The following CPA6 variants were observed in gnomAD, a reference collection of about 807,000 sequenced individuals.
The protein encoded by CPA6 is carboxypeptidase A6.
A neutral mutation model predicts 63.3 loss-of-function variants in CPA6; 58 were observed. The ratio of observed to expected loss-of-function variants is 0.92; its 90% confidence interval spans 0.74 to 1.14. The LOEUF (loss-of-function observed/expected upper bound fraction) is 1.14, where lower values mean the gene tolerates loss of function less well. Ranked by LOEUF, CPA6 falls within the 50% of genes most tolerant of loss-of-function variation. The pLI, the probability that CPA6 is intolerant of heterozygous loss-of-function variation, is 0.00. For synonymous variants in CPA6, 185 were observed against 179.0 expected, an observed-to-expected ratio of 1.03 and a Z score of -0.27; for missense variants, 565 against 526.6, an observed-to-expected ratio of 1.07 and a Z score of -0.71.
chr8:67,607,161 T>C (rs1814668261), intron 2 of CPA6, among the ~76,000 whole-genome samples: 2 of 84,746 alleles, frequency 2.4e-5, no homozygotes, highest in African/African-American at 1.0e-4. Flanking sequence ...CTCCTCTTCT[T>C]CTTCTTCCTC....
At chr8:67,456,125 C>T (rs1810672371) in intron 8 of CPA6, among the ~76,000 whole-genome samples, 1 of 152,198 alleles carries the variant, frequency 6.6e-6, no homozygotes. Context: ...AGATTCTGTC[C>T]TAAAGATCTG....
At chr8:67,620,274 AT>A (rs1233660133) in intron 2 of CPA6, among the ~76,000 whole-genome samples, 8 of 152,172 alleles carry the variant, frequency 5.3e-5, no homozygotes, top group African/African-American at 1.9e-4. Context: ...TGCTCATCTG[AT>A]TTAGGTCAGG....
chr8:67,744,182 A>T (rs1047182263), intron 1 of CPA6, among the ~76,000 whole-genome samples: 17 of 152,180 alleles, frequency 1.1e-4, no homozygotes, highest in African/African-American at 3.4e-4. Flanking sequence ...GCTCAGAAAT[A>T]TTTTTGCTTT....
At chr8:67,575,079 G>T (rs1358779578) in intron 2 of CPA6, among the ~76,000 whole-genome samples, 2 of 152,058 alleles carry the variant, frequency 1.3e-5, no homozygotes, top group African/African-American at 4.8e-5. Context: ...CAAAGAATCT[G>T]AATAGACACT....
chr8:67,536,619 A>G (rs2128969926), intron 2 of CPA6, among the ~76,000 whole-genome samples: 1 of 152,306 alleles, frequency 6.6e-6, no homozygotes, highest in Non-Finnish European at 1.5e-5. Context: ...GATTTTCTAA[A>G]TATGCAATCA....
chr8:67,641,085 G>C (rs1235762997), intron 1 of CPA6, among the ~76,000 whole-genome samples: 1 of 151,738 alleles, frequency 6.6e-6, no homozygotes, highest in African/African-American at 2.4e-5. Context: ...TGCTCCTGCT[G>C]CCACCACTCA....
intron 2 of CPA6, among the ~76,000 whole-genome samples, chr8:67,582,766 G>A (rs1463531142): frequency 6.6e-6 from 1 of 152,162 alleles, no homozygotes; most frequent in Non-Finnish European, 1.5e-5. Flanking sequence ...TGTAGTTCAT[G>A]TGGGAATAAT....
chr8:67,620,836 G>A (rs748430853), intron 2 of CPA6, among the ~76,000 whole-genome samples: 1 of 152,144 alleles, frequency 6.6e-6, no homozygotes, highest in Non-Finnish European at 1.5e-5. Context: ...AACAGAGCAG[G>A]TCTGAAAAAT....
chr8:67,505,128 A>G (rs937445301), intron 6 of CPA6, among the ~76,000 whole-genome samples: 1 of 152,152 alleles, frequency 6.6e-6, no homozygotes, highest in African/African-American at 2.4e-5. Flanking sequence ...TGTGTACTAT[A>G]AAAATCCAGA....
At chr8:67,623,402 G>T (rs1815125002) in intron 2 of CPA6, among the ~76,000 whole-genome samples, 2 of 151,956 alleles carry the variant, frequency 1.3e-5, no homozygotes, top group African/African-American at 2.4e-5. Flanking sequence ...GTGTCAGATA[G>T]AAAATTTTCT....
intron 2 of CPA6, among the ~76,000 whole-genome samples, chr8:67,619,708 A>G (rs1815036985): frequency 6.6e-6 from 1 of 152,032 alleles, no homozygotes; most frequent in South Asian, 2.1e-4. Context: ...CAGTCTGAAG[A>G]CCTCCACCAA....
chr8:67,723,520 C>T (rs1024413472), intron 1 of CPA6, among the ~76,000 whole-genome samples: 2 of 152,172 alleles, frequency 1.3e-5, no homozygotes, highest in Admixed American at 1.3e-4. Context: ...GAGGTTATAA[C>T]AATTTGACCT....
At chr8:67,458,247 A>C (rs1810722065) in intron 8 of CPA6, among the ~76,000 whole-genome samples, 1 of 152,146 alleles carries the variant, frequency 6.6e-6, no homozygotes, top group South Asian at 2.1e-4. Context: ...CCCAGGTTGG[A>C]GTGCAGTGGT....
intron 8 of CPA6, among the ~76,000 whole-genome samples, chr8:67,446,424 C>T (rs574974747): frequency 4.6e-5 from 7 of 151,550 alleles, no homozygotes; most frequent in South Asian, 4.2e-4. Flanking sequence ...CATGCCTAGC[C>T]TAATTATTTT....
chr8:67,541,149 T>G (rs1812695076), intron 2 of CPA6, among the ~76,000 whole-genome samples: 1 of 151,970 alleles, frequency 6.6e-6, no homozygotes, highest in African/African-American at 2.4e-5. Flanking sequence ...AGTTTTGTGC[T>G]TGAAACCCAC....
intron 2 of CPA6, among the ~76,000 whole-genome samples, chr8:67,563,749 C>A (rs550302707): frequency 6.6e-6 from 1 of 152,268 alleles, no homozygotes; most frequent in East Asian, 1.9e-4. Flanking sequence ...TTTTCTCATG[C>A]TTTCTCTTTA....
chr8:67,590,093 T>A (rs191113963), intron 2 of CPA6, among the ~76,000 whole-genome samples: 3 of 148,922 alleles, frequency 2.0e-5, no homozygotes, highest in Admixed American at 2.0e-4. Context: ...CCTGTGTCCA[T>A]GTGTTCTCAT....
intron 1 of CPA6, among the ~76,000 whole-genome samples, chr8:67,637,634 G>A (rs1815499196): frequency 6.6e-6 from 1 of 151,412 alleles, no homozygotes; most frequent in African/African-American, 2.5e-5. Context: ...ACAAAGCATA[G>A]GGGAAAATTT....
rs1261826251 is a variant in CPA6, at chr8:67,713,063, ATGTG to A, written c.116+32947_116+32950del. Among the ~76,000 whole-genome samples, 155 of 128,988 alleles carry A rather than the reference ATGTG, an allele frequency of 1.2e-3. 2 individuals are homozygous for A. The highest frequency in any genetic ancestry group is 1.9e-3 in the Non-Finnish European group (120 of 63,038). 84.6% of individuals were successfully genotyped at this position (128,988 alleles called of 152,430 possible). A position where few individuals can be genotyped will look rare whatever the true frequency, so the allele number is the denominator to read the frequency against. ...AATGTACACATTAAACTTTATAAGC[ATGTG>A]TGTATCTGTGTGTGTATGTGTGTGT... is the stretch of plus-strand genomic sequence containing the variant. On this transcript the variant is annotated intron_variant, in intron 1 of 10. Coordinates refer to ENST00000297770, the MANE Select transcript of CPA6 (RefSeq NM_020361.5).
Sources: gnomAD v4.1 joint callset for allele counts (sites outside exome capture counted in the v4.1 genomes callset) on GRCh38, gnomAD v4.1.1 for gene constraint, MANE v1.5 for transcripts, NCBI Gene and HGNC (gene_info 2026-07-23, HGNC 2026-07-21) for gene names.